SYT9: variants seen among roughly 807,000 people sequenced by gnomAD.
SYT9 encodes the protein synaptotagmin-9.
Under a neutral mutation model 48.4 loss-of-function variants are expected in SYT9, and 22 were observed. That is an observed-to-expected ratio of 0.45 (90% CI 0.32 to 0.65). The LOEUF is 0.65. Ranked by LOEUF, SYT9 falls within the 30% of genes least tolerant of loss-of-function variation. The probability of loss-of-function intolerance (pLI) is 0.03; values close to 1 mark genes in which losing one functional copy is unlikely to be tolerated. For synonymous variants in SYT9, 265 were observed against 245.0 expected, an observed-to-expected ratio of 1.08 and a Z score of -0.76; for missense variants, 577 against 622.0, an observed-to-expected ratio of 0.93 and a Z score of 0.77.
chr11:7,246,587 G>C (rs1287708937), intron 1 of SYT9, among the ~76,000 whole-genome samples: 1 of 152,146 alleles, frequency 6.6e-6, no homozygotes, highest in African/African-American at 2.4e-5. Context: ...AGAGGCTTTG[G>C]AGCCACAAAG....
intron 6 of SYT9, among the ~76,000 whole-genome samples, chr11:7,423,980 G>A (rs1847404488): frequency 6.6e-6 from 1 of 152,216 alleles, no homozygotes; most frequent in South Asian, 2.1e-4. Flanking sequence ...ATGAGCATGT[G>A]TGTATGGAAG....
chr11:7,280,627 A>G (rs374048623), intron 1 of SYT9, among the ~76,000 whole-genome samples: 21 of 152,240 alleles, frequency 1.4e-4, no homozygotes, highest in African/African-American at 5.1e-4. Flanking sequence ...GTTTTGTGGT[A>G]TAAGTGCTCC....
At chr11:7,391,376 C>T (rs1301418765) in intron 3 of SYT9, among the ~76,000 whole-genome samples, 1 of 152,048 alleles carries the variant, frequency 6.6e-6, no homozygotes, top group African/African-American at 2.4e-5. Context: ...TTTGAGAAAT[C>T]ATCAAACTGC....
chr11:7,430,390 TATACTC>T (rs1282818606), intron 6 of SYT9, among the ~76,000 whole-genome samples: 3 of 152,196 alleles, frequency 2.0e-5, no homozygotes, highest in African/African-American at 7.2e-5. Context: ...TATGATGAGT[TATACTC>T]AAATTGTCAG....
intron 3 of SYT9, among the ~76,000 whole-genome samples, chr11:7,374,043 G>A (rs549327046): frequency 5.3e-4 from 81 of 152,100 alleles, no homozygotes; most frequent in African/African-American, 1.8e-3. Context: ...ATCTACATTA[G>A]GTATTTCTCC....
At chr11:7,295,045 C>A (rs1242779491) in intron 1 of SYT9, among the ~76,000 whole-genome samples, 1 of 152,170 alleles carries the variant, frequency 6.6e-6, no homozygotes, top group Non-Finnish European at 1.5e-5. Flanking sequence ...CATACCTATA[C>A]TAATCTCTTA....
chr11:7,421,850 T>C (rs1349048880), intron 6 of SYT9, among the ~76,000 whole-genome samples: 1 of 152,148 alleles, frequency 6.6e-6, no homozygotes, highest in East Asian at 1.9e-4. Flanking sequence ...GAGGCACAAA[T>C]ACAAGCATTT....
rs544506418 is a variant in SYT9, at chr11:7,424,148, A to C, written c.1467+3513A>C. 7.9e-5 allele frequency among the ~76,000 whole-genome samples: 12 copies of C among 152,304 alleles called. No individual in the cohort carries two copies. The East Asian group carries it at 2.1e-3, about 27-fold the overall frequency. ...GCCTGCTCAGGGTTGCATCCAATAC[A>C]CCCTGACCTTGCCAGGGCAGGTGGC... is the stretch of plus-strand genomic sequence containing the variant. On this transcript the variant is annotated intron_variant, in intron 6 of 6. Coordinates refer to ENST00000318881, the MANE Select transcript of SYT9 (RefSeq NM_175733.4).
rs184770491 is a variant in SYT9 at position 7,417,375 on chromosome 11, A to C, written c.1166-582A>C. Among the ~76,000 whole-genome samples, 254 of 152,260 alleles carry C rather than the reference A, an allele frequency of 1.7e-3. 1 individual carries two copies. The highest frequency in any genetic ancestry group is 6.1e-3 in the African/African-American group (252 of 41,564). On this transcript the variant is annotated intron_variant, in intron 4 of 6. Coordinates refer to ENST00000318881, the MANE Select transcript of SYT9 (RefSeq NM_175733.4). ...GGCCAGCCTTGCCACCTGTTACCCC[A>C]TCACAGTGTTGCACCCCAAGGAAGC...
At chr11:7,277,052 TCAAAAAA>T (rs1253680446) in intron 1 of SYT9, among the ~76,000 whole-genome samples, 1 of 145,502 alleles carries the variant, frequency 6.9e-6, no homozygotes, top group African/African-American at 2.5e-5. Context: ...AGACTCTATC[TCAAAAAA>T]CAAAAAACAA....
At chr11:7,319,021 C>A (rs1849290247) in intron 3 of SYT9, among the ~76,000 whole-genome samples, 1 of 152,042 alleles carries the variant, frequency 6.6e-6, no homozygotes, top group Admixed American at 6.6e-5. Flanking sequence ...GCTATTTGTT[C>A]CTGCTCAGTG....
intron 3 of SYT9, among the ~76,000 whole-genome samples, chr11:7,358,306 T>C (rs1213199000): frequency 1.3e-5 from 2 of 152,150 alleles, no homozygotes; most frequent in East Asian, 3.8e-4. Flanking sequence ...TGAATAAAAA[T>C]GCTATTGGTT....
chr11:7,313,924 A>G lies in SYT9; in HGVS notation c.1027A>G (p.Ile343Val), dbSNP rs1053382303. The G allele has an allele frequency of 2.5e-6, 4 of 1,612,470 alleles. No homozygotes were observed. The highest frequency in any genetic ancestry group is 3.3e-4 in the Middle Eastern group (2 of 6,050). ...FPRECILWKD[I>V]EYVTNDNVDL... ...CAGGGAGTGCATCCTTTGGAAGGATATCGAATATGTCACCAATGTGAGTCC... is the reference window on the plus strand; with the variant it reads ...CAGGGAGTGCATCCTTTGGAAGGATGTCGAATATGTCACCAATGTGAGTCC... Residue 343 changes from isoleucine to valine, a missense_variant, in exon 3 of 7, where the codon ATC becomes GTC. Coordinates refer to ENST00000318881, the MANE Select transcript of SYT9 (RefSeq NM_175733.4).
intron 6 of SYT9, among the ~76,000 whole-genome samples, chr11:7,459,986 T>G (rs1304727291): frequency 6.6e-6 from 1 of 152,210 alleles, no homozygotes; most frequent in East Asian, 1.9e-4. Context: ...CCATCCAGTT[T>G]GTGATACGTC....
intron 6 of SYT9, chr11:7,457,056 T>A (rs1050618239): frequency 6.6e-6 from 1 of 152,242 alleles, no homozygotes. Context: ...TACCTTGGCA[T>A]TCAAGGTCCT....
At chr11:7,448,762 G>A (rs1417328515) in intron 6 of SYT9, among the ~76,000 whole-genome samples, 2 of 152,124 alleles carry the variant, frequency 1.3e-5, no homozygotes, top group Non-Finnish European at 2.9e-5. Context: ...CTTTAGCAGG[G>A]CCCAATGAGT....
intron 6 of SYT9, among the ~76,000 whole-genome samples, chr11:7,425,573 G>A (rs545475104): frequency 3.9e-5 from 6 of 152,214 alleles, no homozygotes; most frequent in Admixed American, 6.5e-5. Flanking sequence ...GGACTGAAAC[G>A]TACAATAGGG....
At chr11:7,394,423 C>T (rs1846705428) in intron 3 of SYT9, among the ~76,000 whole-genome samples, 1 of 152,148 alleles carries the variant, frequency 6.6e-6, no homozygotes, top group South Asian at 2.1e-4. Context: ...GATAAACATA[C>T]GTGTGCATGT....
chr11:7,314,011 C>T, intron 3 of SYT9, 70 bp downstream of exon 3: 1 of 1,517,942 alleles, frequency 6.6e-7, no homozygotes, highest in Non-Finnish European at 8.9e-7. Context: ...ATTACTTACA[C>T]ATTATCTTGA....
Sources: allele counts gnomAD v4.1 joint callset (sites outside exome capture counted in the v4.1 genomes callset), GRCh38; gene constraint gnomAD v4.1.1; transcripts MANE v1.5; gene names NCBI Gene and HGNC (gene_info 2026-07-23, HGNC 2026-07-21).